The following SYNE1 variants were observed in gnomAD, a reference collection of about 807,000 sequenced individuals.
SYNE1 encodes nesprin-1.
SYNE1 carries 616 observed loss-of-function variants against 1,111.0 expected under a neutral mutation model. The ratio of observed to expected loss-of-function variants is 0.55; its 90% CI spans 0.52 to 0.59. SYNE1 has a LOEUF of 0.59. Among genes scored for constraint, SYNE1 ranks in the 20% least tolerant of loss-of-function variants. SYNE1 has a pLI of 0.00. For synonymous variants in SYNE1, 3,855 were observed against 3,825.8 expected, an observed-to-expected ratio of 1.01 and a Z score of -0.28; for missense variants, 10,006 against 10,417.0, an observed-to-expected ratio of 0.96 and a Z score of 1.72.
chr6:152,169,897 T>A (rs1344468261), intron 130 of SYNE1, among the ~76,000 whole-genome samples: 1 of 152,122 alleles, frequency 6.6e-6, no homozygotes, highest in Non-Finnish European at 1.5e-5. Context: ...AATTCTTTTA[T>A]AAAACAATCA....
In SYNE1 at chr6:152,318,187, T is replaced by G. The variant is rs1330889871; in HGVS notation, c.16466A>C (p.Gln5489Pro). 1 of 1,614,086 alleles carries G rather than the reference T, an allele frequency of 6.2e-7. No individual in the cohort carries two copies. Among genetic ancestry groups the G allele is most frequent in the Non-Finnish European group, 8.5e-7 (1 of 1,180,036 alleles). Residue 5489 changes from glutamine to proline, a missense_variant, in exon 86 of 146, where the codon CAG (glutamine) becomes CCG (proline). By Grantham distance (76) the Gln-to-Pro change is moderately conservative (BLOSUM62 -1). Around this residue, in one of 7 missense-constraint regions of SYNE1, gnomAD observed 4,955 missense variants for 5,017.2 expected, o/e 0.99. Transcript: ENST00000367255. ...CAGTGGCTTACCCAGTTGGCCATTC[T>G]GTTCCAAGAATTTCTGTACTGCTGC... ...LDAAVQKFLEQNGQLGKPLAK... is the reference protein window; with the variant it reads ...LDAAVQKFLEPNGQLGKPLAK...
At chr6:152,322,372 T>C (rs763322143) in intron 82 of SYNE1, among the ~76,000 whole-genome samples, 3 of 151,934 alleles carry the variant, frequency 2.0e-5, no homozygotes, top group Non-Finnish European at 4.4e-5. Context: ...AAGTGTTAGG[T>C]TACCTTGACA....
rs2094496061 is a variant in SYNE1 at position 152,289,759 on chromosome 6, TGG to T, written c.18012+3827_18012+3828del. On this transcript the variant is annotated intron_variant, in intron 95 of 145. Coordinates refer to ENST00000367255, the MANE Select transcript of SYNE1 (RefSeq NM_182961.4). ...CTCCTGCCTCAGCCTCCCAAGTAGC[TGG>T]GACTACAAGCGCCCACCACCATGCC... 1.3e-5 allele frequency among the ~76,000 whole-genome samples: 2 copies of T among 152,194 alleles called. 1 individual carries two copies. The highest frequency in any genetic ancestry group is 4.1e-4 in the South Asian group (2 of 4,836).
At chr6:152,351,951 C>A (rs2096748387) in intron 70 of SYNE1, 76 bp downstream of exon 70, 1 of 1,398,734 alleles carries the variant, frequency 7.1e-7, no homozygotes, top group Admixed American at 1.7e-5. Flanking sequence ...CGGGTGACAC[C>A]CAGCAAGAAT....
intron 93 of SYNE1, among the ~76,000 whole-genome samples, chr6:152,298,777 G>A (rs2095021556): frequency 6.6e-6 from 1 of 152,048 alleles, no homozygotes; most frequent in South Asian, 2.1e-4. Flanking sequence ...TCTTCTAACT[G>A]ACATTACTAT....
chr6:152,504,850 A>G (rs574093642), intron 9 of SYNE1, among the ~76,000 whole-genome samples: 5 of 152,320 alleles, frequency 3.3e-5, no homozygotes, highest in African/African-American at 1.2e-4. Flanking sequence ...AATAATCTAC[A>G]TCTTTCAGAC....
At chr6:152,469,202 A>G (rs1386237151) in intron 16 of SYNE1, among the ~76,000 whole-genome samples, 1 of 152,168 alleles carries the variant, frequency 6.6e-6, no homozygotes, top group Non-Finnish European at 1.5e-5. Context: ...CTGTTCTATA[A>G]TGAATGATTT....
intron 130 of SYNE1, chr6:152,167,924 T>C (rs2064048682): frequency 1.3e-6 from 1 of 768,354 alleles, no homozygotes; most frequent in Non-Finnish European, 2.4e-6. Flanking sequence ...GCATGCCCAG[T>C]AGAGGTACTA....
chr6:152,244,433 T>C, intron 106 of SYNE1, 104 bp downstream of exon 106: 1 of 1,568,148 alleles, frequency 6.4e-7, no homozygotes, highest in Non-Finnish European at 8.7e-7. Context: ...AGGACCTAAG[T>C]GGCGTGAATT....
At chr6:152,629,280 C>T (rs2099692778) in intron 2 of SYNE1, among the ~76,000 whole-genome samples, 1 of 151,910 alleles carries the variant, frequency 6.6e-6, no homozygotes, top group African/African-American at 2.4e-5. Flanking sequence ...GGCGTGATCT[C>T]AGCAAGCTCC....
At chr6:152,399,536 G>T in intron 48 of SYNE1, 80 bp downstream of exon 48, 2 of 1,542,154 alleles carry the variant, frequency 1.3e-6, no homozygotes, top group Non-Finnish European at 1.8e-6. Flanking sequence ...TCAAACTTTT[G>T]CTGGCAGTTT....
intron 110 of SYNE1, 106 bp from the exon 111 acceptor site, chr6:152,234,906 A>T: frequency 7.6e-7 from 1 of 1,315,490 alleles, no homozygotes; most frequent in Non-Finnish European, 1.1e-6. Context: ...AGGTCTGAAG[A>T]TTTAGAAGAA....
At chr6:152,277,141 T>C (rs1358703641) in intron 98 of SYNE1, among the ~76,000 whole-genome samples, 1 of 151,812 alleles carries the variant, frequency 6.6e-6, no homozygotes, top group African/African-American at 2.4e-5. Flanking sequence ...CTGCCAGCCT[T>C]GGCTTCCCAA....
rs1563133806 is a variant in SYNE1 at position 152,331,598 on chromosome 6, G to C, written c.13087C>G (p.Gln4363Glu). 2 of 1,614,132 alleles carry C rather than the reference G, an allele frequency of 1.2e-6. No individual in the cohort carries two copies. The highest frequency in any genetic ancestry group is 3.3e-5 in the Admixed American group (2 of 60,020). ...AGGGCCTCGGCGATGTTGGGTTGTT[G>C]CTCTTCTGCCCACTCCATTAGCTCC... ...FQELMEWAEE[Q>E]QPNIAEALKQ... The change falls in exon 78 of 146, where the codon CAA (glutamine) becomes GAA (glutamate). Residue 4363 changes from glutamine (Q) to glutamate (E), a missense_variant. By Grantham distance (29) the Gln-to-Glu change is conservative. Coordinates refer to ENST00000367255, the MANE Select transcript of SYNE1 (RefSeq NM_182961.4).
chr6:152,425,044 G>A (rs1273506589), intron 39 of SYNE1, among the ~76,000 whole-genome samples: 1 of 152,144 alleles, frequency 6.6e-6, no homozygotes, highest in Non-Finnish European at 1.5e-5. Flanking sequence ...GTTGAGAAAT[G>A]TCATGTGAGA....
chr6:152,510,104 T>C (rs952892588), intron 8 of SYNE1, 89 bp downstream of exon 8: 1 of 1,315,560 alleles, frequency 7.6e-7, no homozygotes, highest in East Asian at 2.3e-5. Context: ...AAATGTCTCT[T>C]CACATTTCGC....
intron 140 of SYNE1, among the ~76,000 whole-genome samples, chr6:152,139,673 T>A (rs1585917495): frequency 5.9e-3 from 297 of 50,312 alleles, no homozygotes; most frequent in Middle Eastern, 0.012. Flanking sequence ...AAGGAAGGAA[T>A]GAGAGAGAAA....
chr6:152,567,253 A>G (rs1029361503), intron 3 of SYNE1, among the ~76,000 whole-genome samples: 1 of 152,180 alleles, frequency 6.6e-6, no homozygotes, highest in African/African-American at 2.4e-5. Flanking sequence ...ATAATATTCC[A>G]TTATATATAT....
At chr6:152,442,824 T>C (rs891085962) in intron 30 of SYNE1, among the ~76,000 whole-genome samples, 10 of 152,148 alleles carry the variant, frequency 6.6e-5, no homozygotes, top group African/African-American at 1.4e-4. Context: ...TACATGCCTG[T>C]GGTCCCAGCT....
Sources: allele counts gnomAD v4.1 joint callset (sites outside exome capture counted in the v4.1 genomes callset), GRCh38; gene constraint gnomAD v4.1.1; regional missense constraint gnomAD v4.1.1; transcripts MANE v1.5; gene names NCBI Gene and HGNC (gene_info 2026-07-23, HGNC 2026-07-21).